Variants in KIAA1549 observed in about 807,000 individuals in gnomAD.
KIAA1549 encodes the protein UPF0606 protein KIAA1549.
A neutral mutation model predicts 156.4 loss-of-function variants in KIAA1549; 70 were observed. The ratio of observed to expected loss-of-function variants is 0.45; its 90% CI spans 0.37 to 0.55. The LOEUF (loss-of-function observed/expected upper bound fraction) is 0.55. Among genes scored for constraint, KIAA1549 ranks in the 20% least tolerant of loss-of-function variants. The probability of loss-of-function intolerance (pLI) is 0.00; values close to 1 mark genes in which losing one functional copy is unlikely to be tolerated. For missense variants in KIAA1549, 2,428 were observed against 2,540.9 expected, an observed-to-expected ratio of 0.96 and a Z score of 0.96; for synonymous variants, 1,103 against 1,066.4, an observed-to-expected ratio of 1.03 and a Z score of -0.67.
chr7:138,902,461 G>A (rs1367226158), intron 8 of KIAA1549, among the ~76,000 whole-genome samples: 3 of 152,042 alleles, frequency 2.0e-5, no homozygotes, highest in Admixed American at 6.5e-5. Flanking sequence ...CATTTTCATA[G>A]TTCAACAAGT....
intron 1 of KIAA1549, among the ~76,000 whole-genome samples, chr7:138,928,780 C>T (rs1266928595): frequency 6.6e-6 from 1 of 152,204 alleles, no homozygotes; most frequent in East Asian, 1.9e-4. Flanking sequence ...CAATGTACAT[C>T]TCCTAATGCT....
intron 1 of KIAA1549, among the ~76,000 whole-genome samples, chr7:138,935,480 C>CA (rs1812984257): frequency 7.4e-6 from 1 of 135,376 alleles, no homozygotes; most frequent in Non-Finnish European, 1.5e-5. Flanking sequence ...ACAACAAAGG[C>CA]AAAAAAATTT....
At chr7:138,924,386 G>C (rs1481009589) in intron 1 of KIAA1549, among the ~76,000 whole-genome samples, 2 of 151,912 alleles carry the variant, frequency 1.3e-5, no homozygotes, top group Non-Finnish European at 2.9e-5. Context: ...ATCTGAACAA[G>C]GAGCAAATTC....
In KIAA1549 at chr7:138,831,782, G is replaced by C. The variant is rs1308830193; in HGVS notation, c.*6124C>G. On this transcript the variant is annotated 3_prime_UTR_variant, in exon 20 of 20. Transcript: ENST00000422774. ...AGGGAGAGACAAGTCAGTACTCCAG[G>C]GCAGCTCTGCCGAGCAACCTTTCCT... 3 of 232,200 alleles carry C rather than the reference G, an allele frequency of 1.3e-5. No homozygotes were observed. In the South Asian group the frequency reaches 5.4e-4, roughly 42 times the overall value. 14.4% of individuals were successfully genotyped at this position (232,200 alleles called of 1,614,324 possible).
intron 19 of KIAA1549, among the ~76,000 whole-genome samples, chr7:138,839,744 C>T (rs112985785): frequency 6.7e-6 from 1 of 148,730 alleles, no homozygotes; most frequent in African/African-American, 2.4e-5. Context: ...GGGACCCCCC[C>T]CAAAGCAGAA....
rs968232663 is a variant in KIAA1549, at chr7:138,928,061, C to G, written c.188-8623G>C. Among the ~76,000 whole-genome samples the G allele has an allele frequency of 2.0e-5, 3 of 147,160 alleles. No homozygotes were observed. The East Asian group carries it at 6.2e-4, about 30-fold the overall frequency. ...TCAGCCTCCCGAGTAGCTGGGACTA[C>G]AGGTGCCCACCACCACGCCCAGCTA... On this transcript the variant is annotated intron_variant, in intron 1 of 19. Coordinates refer to ENST00000422774, the MANE Select transcript of KIAA1549 (RefSeq NM_001164665.2).
At chr7:138,880,841 G>A (rs1271981247) in intron 11 of KIAA1549, among the ~76,000 whole-genome samples, 1 of 152,156 alleles carries the variant, frequency 6.6e-6, no homozygotes, top group Non-Finnish European at 1.5e-5. Context: ...GGAGGAGGCG[G>A]TGAAGAGTCT....
At chr7:138,899,238 T>C in intron 8 of KIAA1549, 106 bp from the exon 9 acceptor site, 1 of 1,029,360 alleles carries the variant, frequency 9.7e-7, no homozygotes, top group Non-Finnish European at 1.5e-6. Flanking sequence ...ATTCCAATCC[T>C]CATAATAAGC....
intron 1 of KIAA1549, among the ~76,000 whole-genome samples, chr7:138,947,789 G>T (rs1168368747): frequency 6.6e-6 from 1 of 151,734 alleles, no homozygotes; most frequent in East Asian, 1.9e-4. Flanking sequence ...TTAAGACAGG[G>T]TCTCACTCTG....
chr7:138,976,942 T>C (rs1260580114), intron 1 of KIAA1549, among the ~76,000 whole-genome samples: 2 of 152,260 alleles, frequency 1.3e-5, no homozygotes, highest in African/African-American at 4.8e-5. Flanking sequence ...ATGATGTTGA[T>C]GCAGGAGGCC....
intron 12 of KIAA1549, among the ~76,000 whole-genome samples, chr7:138,874,203 A>C (rs1365644259): frequency 6.6e-6 from 1 of 151,658 alleles, no homozygotes; most frequent in Non-Finnish European, 1.5e-5. Flanking sequence ...CACAGAGATT[A>C]ATGCTGTGTG....
intron 10 of KIAA1549, among the ~76,000 whole-genome samples, chr7:138,887,819 C>T (rs975820284): frequency 1.3e-5 from 2 of 152,220 alleles, no homozygotes; most frequent in African/African-American, 4.8e-5. Context: ...ATTCGTTCCA[C>T]GTTGGGAAAC....
intron 1 of KIAA1549, among the ~76,000 whole-genome samples, chr7:138,953,348 T>G (rs982290115): frequency 1.3e-5 from 2 of 152,088 alleles, no homozygotes; most frequent in African/African-American, 4.8e-5. Context: ...AGAGCAAGAT[T>G]CTGTCTCAAA....
chr7:138,939,637 G>A (rs1295583220), intron 1 of KIAA1549, among the ~76,000 whole-genome samples: 1 of 152,216 alleles, frequency 6.6e-6, no homozygotes, highest in East Asian at 1.9e-4. Flanking sequence ...GTGGTCCTCT[G>A]TATTTCCACT....
chr7:138,903,618 G>A lies in KIAA1549; in HGVS notation c.3639C>T (p.Ala1213=). The A allele has an allele frequency of 6.2e-7, 1 of 1,613,702 alleles. No homozygotes were observed. Among genetic ancestry groups the A allele is most frequent in the Non-Finnish European group, 8.5e-7 (1 of 1,179,854 alleles). Residue 1213 remains alanine (A), a synonymous_variant, in exon 8 of 20, where the codon GCC becomes GCT. Transcript: ENST00000422774. ...CCACACTGTTCCCTGCAGCTACAGTGGCCCTTCTCCACATCCGCCTTCTGG... is the reference window on the plus strand; with the variant it reads ...CCACACTGTTCCCTGCAGCTACAGTAGCCCTTCTCCACATCCGCCTTCTGG... ...VSTRRRMWRR[A]TVAAGNSVVQ...
At chr7:138,868,631 T>C (rs1344077547) in intron 14 of KIAA1549, among the ~76,000 whole-genome samples, 1 of 152,168 alleles carries the variant, frequency 6.6e-6, no homozygotes, top group Admixed American at 6.5e-5. Flanking sequence ...TTTCACCATA[T>C]TGGCCAGGCT....
At chr7:138,909,199 C>G in intron 4 of KIAA1549, 78 bp from the exon 5 acceptor site, 1 of 1,439,906 alleles carries the variant, frequency 6.9e-7, no homozygotes, top group Non-Finnish European at 9.6e-7. Context: ...GAGAGAGAAA[C>G]ATCGTATCTA....
At chr7:138,936,798 C>G (rs959305976) in intron 1 of KIAA1549, among the ~76,000 whole-genome samples, 3 of 138,954 alleles carry the variant, frequency 2.2e-5, no homozygotes, top group Non-Finnish European at 4.5e-5. Flanking sequence ...TGCTAAGAAA[C>G]CCTGTAACTG....
At chr7:138,896,490 C>T (rs1025355770) in intron 9 of KIAA1549, among the ~76,000 whole-genome samples, 1 of 152,072 alleles carries the variant, frequency 6.6e-6, no homozygotes, top group African/African-American at 2.4e-5. Flanking sequence ...ATATATGTAG[C>T]TCATTTTGCA....
Sources: gnomAD v4.1 joint callset for allele counts (sites outside exome capture counted in the v4.1 genomes callset) on GRCh38, gnomAD v4.1.1 for gene constraint, MANE v1.5 for transcripts, NCBI Gene and HGNC (gene_info 2026-07-23, HGNC 2026-07-21) for gene names.